Variants in KIAA1671 observed in about 807,000 individuals in gnomAD.
The protein encoded by KIAA1671 is KIAA1671.
KIAA1671 carries 52 observed loss-of-function variants against 131.2 expected under a neutral mutation model. The observed-to-expected ratio is 0.40, with a 90% CI of 0.32 to 0.50. The LOEUF is 0.50. KIAA1671 is among the 20% of genes least tolerant of loss of function. The probability of loss-of-function intolerance (pLI) is 0.73; values close to 1 mark genes in which losing one functional copy is unlikely to be tolerated. For synonymous variants in KIAA1671, 1,003 were observed against 961.6 expected, an observed-to-expected ratio of 1.04 and a Z score of -0.80; for missense variants, 2,360 against 2,364.2, an observed-to-expected ratio of 1.00 and a Z score of 0.04.
At chr22:25,089,266 ATTTTTTTTTT>A (rs34941122) in intron 6 of KIAA1671, among the ~76,000 whole-genome samples, 1 of 89,278 alleles carries the variant, frequency 1.1e-5, no homozygotes, top group African/African-American at 4.9e-5. Context: ...TGTGTGTTTA[ATTTTTTTTTT>A]TTTTTTTTTT....
chr22:25,165,902 G>A (rs1291897011), intron 6 of KIAA1671, among the ~76,000 whole-genome samples: 1 of 152,150 alleles, frequency 6.6e-6, no homozygotes, highest in Non-Finnish European at 1.5e-5. Context: ...GGAGGGGTAT[G>A]GGAGGAGGGA....
chr22:24,969,371 C>T (rs1303968491), intron 1 of KIAA1671, among the ~76,000 whole-genome samples: 2 of 152,090 alleles, frequency 1.3e-5, no homozygotes, highest in Admixed American at 1.3e-4. Context: ...TTTAAATCAT[C>T]TCTAGATTAC....
At chr22:25,123,202 T>G (rs1262156242) in intron 6 of KIAA1671, among the ~76,000 whole-genome samples, 8 of 140,928 alleles carry the variant, frequency 5.7e-5, no homozygotes, top group South Asian at 5.0e-4. Context: ...TTTTTTTTTT[T>G]TTTTTTTTTT....
rs902775529 is a variant in KIAA1671, at chr22:25,040,766, G to A, written c.3636G>A (p.Ser1212=). Residue 1212 remains serine, a synonymous_variant, in exon 5 of 13, where the codon TCG becomes TCA. Coordinates refer to ENST00000358431, the MANE Select transcript of KIAA1671 (RefSeq NM_001145206.2). ...DALMAEYQEL[S]LKVPGEAQER... ...TGATGGCAGAGTACCAGGAGCTGTC[G>A]CTGAAAGTCCCTGGGGAGGCTCAGG... is the stretch of plus-strand genomic sequence containing the variant. 52 of 1,551,810 alleles carry A rather than the reference G, an allele frequency of 3.4e-5. 2 individuals carry two copies. The highest frequency in any genetic ancestry group is 2.9e-4 in the African/African-American group (21 of 73,182).
chr22:25,035,879 G>C (rs1926562707), intron 4 of KIAA1671, among the ~76,000 whole-genome samples: 1 of 152,130 alleles, frequency 6.6e-6, no homozygotes, highest in South Asian at 2.1e-4. Flanking sequence ...GACTTTATGT[G>C]TGTGTGTATG....
rs1479988326 is a variant in KIAA1671 at position 25,055,653 on chromosome 22, C to CT, written c.4530+6290dup. On this transcript the variant is annotated intron_variant, in intron 6 of 12. Coordinates refer to ENST00000358431, the MANE Select transcript of KIAA1671 (RefSeq NM_001145206.2). ...CCTAATGACTAATGATTTTGAGTAT[C>CT]TGTTCATATGCCAAATGACCAGTTG... is the stretch of plus-strand genomic sequence containing the variant. 1.3e-5 allele frequency: 2 copies of CT among 150,022 alleles called. 1 individual carries two copies. Among genetic ancestry groups the CT allele is most frequent in the Non-Finnish European group, 3.0e-5 (2 of 67,332 alleles). The allele number at this position is 150,022 out of a possible 1,614,324, so 9.3% of individuals were successfully genotyped here.
At chr22:25,055,915 G>A (rs943275177) in intron 6 of KIAA1671, 4 of 149,656 alleles carry the variant, frequency 2.7e-5, no homozygotes, top group South Asian at 2.3e-4. Context: ...CTATAGTGCC[G>A]GTGGCATGAT....
intron 6 of KIAA1671, among the ~76,000 whole-genome samples, chr22:25,093,788 C>CTCTCTG (rs1568951294): frequency 1.1e-5 from 1 of 94,612 alleles, no homozygotes; most frequent in African/African-American, 4.8e-5. Flanking sequence ...CTCTCTCTCT[C>CTCTCTG]TCTCTCTCTC....
intron 6 of KIAA1671, among the ~76,000 whole-genome samples, chr22:25,154,616 A>G (rs1933165299): frequency 6.6e-6 from 1 of 152,232 alleles, no homozygotes. Flanking sequence ...AGAAGGAAAC[A>G]GAGCCCTTGG....
chr22:25,175,761 A>G (rs1295793991), intron 8 of KIAA1671: 1 of 152,244 alleles, frequency 6.6e-6, no homozygotes, highest in Admixed American at 6.5e-5. Flanking sequence ...CCCCAGAGGC[A>G]AAACTGCCTG....
intron 6 of KIAA1671, among the ~76,000 whole-genome samples, chr22:25,147,991 C>A (rs534003146): frequency 8.4e-6 from 1 of 119,640 alleles, no homozygotes; most frequent in East Asian, 2.1e-4. Flanking sequence ...TCCCTCCCTC[C>A]CTCCCTACCT....
intron 1 of KIAA1671, among the ~76,000 whole-genome samples, chr22:24,968,832 T>C (rs960542068): frequency 3.9e-5 from 6 of 152,190 alleles, no homozygotes; most frequent in African/African-American, 1.4e-4. Flanking sequence ...AATTGATAAT[T>C]TTTATGCTCT....
intron 1 of KIAA1671, among the ~76,000 whole-genome samples, chr22:24,958,652 T>TAAA (rs60645201): frequency 4.2e-5 from 5 of 119,530 alleles, no homozygotes; most frequent in African/African-American, 1.6e-4. Context: ...CTCTGTCTCT[T>TAAA]AAAAAAAAAA....
In KIAA1671 at chr22:25,028,023, C is replaced by A; in HGVS notation, c.24C>A (p.Gly8=). ...CCATGGCCACGCGGGTCGAGGTGGG[C>A]TCCATAACGCCCTTGACGGCCGTGC... MATRVEV[G]SITPLTAVPG... Residue 8 remains glycine, a synonymous_variant, in exon 3 of 13, where the codon GGC becomes GGA. Transcript: ENST00000358431. The A allele has an allele frequency of 1.3e-6, 2 of 1,507,156 alleles. No individual in the cohort carries two copies. Among genetic ancestry groups the A allele is most frequent in the Admixed American group, 2.3e-5 (1 of 43,070 alleles). 93.4% of individuals were successfully genotyped at this position (1,507,156 alleles called of 1,614,324 possible).
rs1926865638 is a variant in KIAA1671, at chr22:25,040,616, C to T, written c.3486C>T (p.Thr1162=). The T allele has an allele frequency of 2.6e-6, 4 of 1,551,700 alleles. No individual in the cohort carries two copies. The highest frequency in any genetic ancestry group is 3.5e-6 in the Non-Finnish European group (4 of 1,147,044). ...CCCCCAGCGGCGGAGCTCCCCAAACCACCCCGACTCTGAGGAGTCGTCCAA... is the reference window on the plus strand; with the variant it reads ...CCCCCAGCGGCGGAGCTCCCCAAACTACCCCGACTCTGAGGAGTCGTCCAA... The part of the protein sequence containing the change: ...KMSPSGGAPQ[T]TPTLRSRPKD... Residue 1162 remains threonine (T), a synonymous_variant, in exon 5 of 13, where the codon ACC becomes ACT. Coordinates refer to ENST00000358431, the MANE Select transcript of KIAA1671 (RefSeq NM_001145206.2).
At chr22:25,035,257 G>C (rs1451707179) in intron 4 of KIAA1671, among the ~76,000 whole-genome samples, 1 of 151,968 alleles carries the variant, frequency 6.6e-6, no homozygotes, top group African/African-American at 2.4e-5. Context: ...ATGTTGGCCA[G>C]GCCAGTCTTG....
At chr22:25,157,003 TG>T (rs138641721) in intron 6 of KIAA1671, among the ~76,000 whole-genome samples, 7,166 of 152,318 alleles carry the variant, frequency 0.047, 209 homozygotes, top group South Asian at 0.08. Context: ...GTGAGAGAGA[TG>T]TTTTGACATG....
chr22:25,142,181 G>A (rs1474048724), intron 6 of KIAA1671, among the ~76,000 whole-genome samples: 2 of 152,158 alleles, frequency 1.3e-5, no homozygotes, highest in Non-Finnish European at 2.9e-5. Context: ...GGGGTTGGGG[G>A]CACTGTGTAC....
intron 6 of KIAA1671, among the ~76,000 whole-genome samples, chr22:25,162,125 T>C (rs1007897857): frequency 6.6e-6 from 1 of 152,222 alleles, no homozygotes; most frequent in African/African-American, 2.4e-5. Flanking sequence ...TCCTACTTTA[T>C]AGGCTTCTTG....
Sources: gnomAD v4.1 joint callset for allele counts (sites outside exome capture counted in the v4.1 genomes callset) on GRCh38, gnomAD v4.1.1 for gene constraint, MANE v1.5 for transcripts, NCBI Gene and HGNC (gene_info 2026-07-23, HGNC 2026-07-21) for gene names.